The following ILDR1 variants were observed in gnomAD, a reference collection of about 807,000 sequenced individuals.
ILDR1 encodes immunoglobulin-like domain-containing receptor 1.
ILDR1 carries 56 observed loss-of-function variants against 62.4 expected under a neutral mutation model. The observed-to-expected ratio is 0.90, with a 90% CI of 0.72 to 1.12. The LOEUF is 1.12. Ranked by LOEUF, ILDR1 falls within the 50% of genes most tolerant of loss-of-function variation. ILDR1 has a pLI of 0.00. For synonymous variants in ILDR1, 284 were observed against 277.8 expected, an observed-to-expected ratio of 1.02 and a Z score of -0.22; for missense variants, 736 against 710.6, an observed-to-expected ratio of 1.04 and a Z score of -0.41.
upstream of ILDR1, among the ~76,000 whole-genome samples, chr3:122,026,420 A>G (rs774288121): frequency 6.6e-6 from 1 of 152,238 alleles, no homozygotes; most frequent in Non-Finnish European, 1.5e-5. Context: ...TTGATGATCA[A>G]TTAGTGTGGG....
Position 122,007,312 on chromosome 3 carries a change from C to T in ILDR1, c.59-151G>A. ...GAGTCTGGGTTCTTACTCACCTGGG[C>T]AGGCTATGGGTGGGGTGGGGTGAGA... On this transcript the variant is annotated intron_variant, in intron 1 of 7. Coordinates refer to ENST00000344209, the MANE Select transcript of ILDR1 (RefSeq NM_001199799.2). 4 of 1,538,182 alleles carry T rather than the reference C, an allele frequency of 2.6e-6. No individual in the cohort carries two copies. The Admixed American group carries it at 5.9e-5, about 23-fold the overall frequency.
the ILDR1 span, among the ~76,000 whole-genome samples, chr3:122,054,717 C>A: frequency 6.6e-6 from 1 of 152,044 alleles, no homozygotes. Flanking sequence ...TTAATTCATA[C>A]GAGGAAATAT....
At chr3:122,011,783 A>G (rs1169001867) in intron 1 of ILDR1, among the ~76,000 whole-genome samples, 1 of 151,548 alleles carries the variant, frequency 6.6e-6, no homozygotes, top group South Asian at 2.1e-4. Context: ...CTTAGCATCT[A>G]TTATGCACCG....
the ILDR1 span, among the ~76,000 whole-genome samples, chr3:122,060,430 G>A: frequency 2.0e-5 from 3 of 152,034 alleles, no homozygotes; most frequent in South Asian, 2.1e-4. Context: ...CTCTGCTGTC[G>A]GTGGAAATAA....
the ILDR1 span, among the ~76,000 whole-genome samples, chr3:122,035,165 C>A: frequency 1.4e-4 from 22 of 152,180 alleles, no homozygotes; most frequent in African/African-American, 4.8e-4. Flanking sequence ...TGGAACAGAA[C>A]GCTTACTCTG....
At chr3:121,991,784 T>C (rs1045041184) in intron 7 of ILDR1, among the ~76,000 whole-genome samples, 1 of 152,346 alleles carries the variant, frequency 6.6e-6, no homozygotes, top group South Asian at 2.1e-4. Context: ...AGTGTGGCTC[T>C]CCTAAGAGGC....
chr3:122,004,853 G>A (rs12489988), intron 3 of ILDR1, among the ~76,000 whole-genome samples: 20,653 of 152,076 alleles, frequency 0.14, 1,660 homozygotes, highest in Middle Eastern at 0.23. Flanking sequence ...TTCCTTCCAT[G>A]TGAACAACAG....
upstream of ILDR1, among the ~76,000 whole-genome samples, chr3:122,024,930 G>A (rs2071907561): frequency 6.6e-6 from 1 of 152,140 alleles, no homozygotes; most frequent in Admixed American, 6.5e-5. Context: ...TTCCACATAT[G>A]TTATTCAGCT....
the ILDR1 span, among the ~76,000 whole-genome samples, chr3:122,056,618 C>T: frequency 6.6e-6 from 1 of 152,222 alleles, no homozygotes; most frequent in Non-Finnish European, 1.5e-5. Flanking sequence ...AGGCGTGAGC[C>T]ACCGCGCACC....
Position 121,994,274 on chromosome 3 carries a change from A to G in ILDR1, c.686T>C (p.Leu229Pro), listed in dbSNP as rs546168333. 152 of 1,535,990 alleles carry G rather than the reference A, an allele frequency of 9.9e-5. No homozygotes were observed. The Admixed American group carries it at 2.9e-3, about 30-fold the overall frequency. Reference protein sequence around the residue: ...RHRYMKQAQALGPQMMGKPLY... With the variant: ...RHRYMKQAQAPGPQMMGKPLY... ...GGGTTTTCCCATCATCTGAGGACCT[A>G]GGGCCTGGGCCTGCTTCATGTAGCG... Residue 229 changes from leucine to proline, a missense_variant, in exon 6 of 8, where the codon CTA becomes CCA. Transcript: ENST00000344209.
intron 4 of ILDR1, 113 bp from the exon 5 acceptor site, chr3:122,001,567 G>T: frequency 6.7e-7 from 1 of 1,488,908 alleles, no homozygotes; most frequent in Non-Finnish European, 9.4e-7. Context: ...ACAGGTTAAA[G>T]TTGAGCAATA....
At chr3:122,019,897 C>T (rs764605173) in intron 1 of ILDR1, among the ~76,000 whole-genome samples, 2 of 152,304 alleles carry the variant, frequency 1.3e-5, no homozygotes, top group South Asian at 2.1e-4. Context: ...ACAGTTGCAG[C>T]GTGTCATTGA....
chr3:121,995,880 A>G (rs1235537081), intron 5 of ILDR1, among the ~76,000 whole-genome samples: 1 of 152,220 alleles, frequency 6.6e-6, no homozygotes, highest in African/African-American at 2.4e-5. Context: ...CTAAGGTCCT[A>G]CAGCTAGCGA....
chr3:122,018,089 A>G (rs2071801917), intron 1 of ILDR1, among the ~76,000 whole-genome samples: 1 of 152,184 alleles, frequency 6.6e-6, no homozygotes, highest in African/African-American at 2.4e-5. Flanking sequence ...AGACACATGC[A>G]CACATATGTC....
chr3:122,013,897 G>A (rs2071740172), intron 1 of ILDR1, among the ~76,000 whole-genome samples: 1 of 152,158 alleles, frequency 6.6e-6, no homozygotes, highest in Non-Finnish European at 1.5e-5. Context: ...ACGGTATTGG[G>A]TGTTTTATTA....
At chr3:122,044,568 A>G in the ILDR1 span, among the ~76,000 whole-genome samples, 10 of 151,140 alleles carry the variant, frequency 6.6e-5, no homozygotes, top group Admixed American at 6.6e-5. Context: ...TGGTTGGTAA[A>G]CTATTGATTA....
the ILDR1 span, among the ~76,000 whole-genome samples, chr3:122,040,335 A>C: frequency 6.6e-6 from 1 of 152,024 alleles, no homozygotes; most frequent in Non-Finnish European, 1.5e-5. Flanking sequence ...CAAGTTGGGA[A>C]ATGGGTTTTG....
intron 5 of ILDR1, among the ~76,000 whole-genome samples, chr3:121,999,106 A>G (rs139941071): frequency 6.6e-6 from 1 of 152,344 alleles, no homozygotes; most frequent in African/African-American, 2.4e-5. Context: ...GCAACCTCAG[A>G]GCACAGGCCT....
At chr3:122,022,967 C>T (rs1458363662), upstream of ILDR1, among the ~76,000 whole-genome samples, 2 of 146,776 alleles carry the variant, frequency 1.4e-5, no homozygotes, top group Non-Finnish European at 3.0e-5. Context: ...ATATTTGTTT[C>T]TAGAAGGTAG....
Sources: allele counts gnomAD v4.1 joint callset (sites outside exome capture counted in the v4.1 genomes callset), GRCh38; gene constraint gnomAD v4.1.1; transcripts MANE v1.5; gene names NCBI Gene and HGNC (gene_info 2026-07-23, HGNC 2026-07-21).